The following ENPP4 variants were observed in gnomAD, a reference collection of about 807,000 sequenced individuals.
The protein encoded by ENPP4 is bis(5'-adenosyl)-triphosphatase ENPP4.
ENPP4 carries 18 observed loss-of-function variants against 33.4 expected under a neutral mutation model. The observed-to-expected ratio is 0.54, with a 90% CI of 0.37 to 0.80. The LOEUF is 0.80. Ranked by LOEUF, ENPP4 falls within the 30% of genes least tolerant of loss-of-function variation. ENPP4 has a pLI of 0.00. For synonymous variants in ENPP4, 172 were observed against 189.9 expected (o/e 0.91, Z 0.78); for missense variants, 480 against 541.7 (o/e 0.89, Z 1.13).
chr6:46,134,928 A>G (rs980967661), intron 1 of ENPP4, among the ~76,000 whole-genome samples: 1 of 151,780 alleles, frequency 6.6e-6, no homozygotes, highest in Admixed American at 6.6e-5. Context: ...TAGACATTTT[A>G]TCTAAATGGA....
At chr6:46,135,546 T>C (rs1474089964) in intron 1 of ENPP4, among the ~76,000 whole-genome samples, 2 of 152,098 alleles carry the variant, frequency 1.3e-5, no homozygotes, top group African/African-American at 4.8e-5. Context: ...AGCAATTCTT[T>C]ATATAGTCTA....
chr6:46,135,927 C>T (rs896682066), intron 1 of ENPP4, among the ~76,000 whole-genome samples: 2 of 151,974 alleles, frequency 1.3e-5, no homozygotes, highest in African/African-American at 2.4e-5. Flanking sequence ...TGTCTTGGCA[C>T]CCCTCTGCTC....
At chr6:46,131,886 A>T (rs988578409) in intron 1 of ENPP4, among the ~76,000 whole-genome samples, 7 of 152,084 alleles carry the variant, frequency 4.6e-5, no homozygotes, top group African/African-American at 1.7e-4. Context: ...TGTGGTTTTG[A>T]TTTGCACTTC....
chr6:46,136,241 G>A (rs979729539), intron 1 of ENPP4, among the ~76,000 whole-genome samples: 8 of 152,004 alleles, frequency 5.3e-5, no homozygotes, highest in Non-Finnish European at 7.4e-5. Context: ...TTATGCTCCT[G>A]TTTTGATTAT....
At position 46,143,362 on chromosome 6, in the gene ENPP4, C is replaced by T; in HGVS notation, c.1084C>T (p.His362Tyr). 5 of 1,612,504 alleles carry T rather than the reference C, an allele frequency of 3.1e-6. No homozygotes were observed. Among genetic ancestry groups the T allele is most frequent in the Non-Finnish European group, 4.2e-6 (5 of 1,178,954 alleles). Reference protein sequence around the residue: ...HGPAFHKGYKHSTINIVDIYP... With the variant: ...HGPAFHKGYKYSTINIVDIYP... The stretch of plus-strand genomic sequence containing the variant: ...ACCTGCATTTCACAAAGGCTACAAG[C>T]ATAGCACAATTAACATTGTGGATAT... The change falls in exon 4 of 4, where the codon CAT becomes TAT. Residue 362 changes from histidine to tyrosine, a missense_variant. This residue lies in a region of ENPP4 where 249 missense variants were observed against 251.8 expected (regional missense o/e 0.99). Transcript: ENST00000321037.
Position 46,144,821 on chromosome 6 carries a change from T to C in ENPP4, c.*1181T>C, listed in dbSNP as rs1019208955. The C allele has an allele frequency of 2.5e-5, 10 of 392,558 alleles. No homozygotes were observed. The highest frequency in any genetic ancestry group is 2.7e-4 in the South Asian group (2 of 7,486). 24.3% of individuals were successfully genotyped at this position (392,558 alleles called of 1,614,324 possible). On this transcript the variant is annotated 3_prime_UTR_variant, in exon 4 of 4. Transcript: ENST00000321037. ...CTTTTGGTCTTTCACACCATTCATA[T>C]GTTAAGTGGCAGAATAGCCTTAGTG...
chr6:46,140,411 T>C lies in ENPP4; in HGVS notation c.826+2T>C. On this transcript the variant is annotated splice_donor_variant, in intron 2 of 3. Coordinates refer to ENST00000321037, the MANE Select transcript of ENPP4 (RefSeq NM_014936.5). LOFTEE classifies it high-confidence loss of function. Reference sequence around the variant, plus strand: ...TTGCTGCAATACTTCCCAAAATAAGTAAGTAAACATTCAACTGAGGGATAC... The same window carrying C: ...TTGCTGCAATACTTCCCAAAATAAGCAAGTAAACATTCAACTGAGGGATAC... The C allele has an allele frequency of 6.6e-7, 1 of 1,514,754 alleles. No homozygotes were observed. The highest frequency in any genetic ancestry group is 8.9e-7 in the Non-Finnish European group (1 of 1,120,622). 93.8% of individuals were successfully genotyped at this position (1,514,754 alleles called of 1,614,324 possible).
intron 1 of ENPP4, among the ~76,000 whole-genome samples, chr6:46,132,483 C>G (rs1170598528): frequency 6.6e-6 from 1 of 152,134 alleles, no homozygotes; most frequent in East Asian, 1.9e-4. Flanking sequence ...GGCGTTATTT[C>G]TGAGGGCTCT....
Position 46,144,972 on chromosome 6 carries a change from G to A in ENPP4, c.*1332G>A. 1 of 396,286 alleles carries A rather than the reference G, an allele frequency of 2.5e-6. No individual in the cohort carries two copies. Among genetic ancestry groups the A allele is most frequent in the East Asian group, 3.6e-5 (1 of 27,992 alleles). 24.5% of individuals were successfully genotyped at this position (396,286 alleles called of 1,614,324 possible). A position where few individuals can be genotyped will look rare whatever the true frequency, so the allele number is the denominator to read the frequency against. The stretch of plus-strand genomic sequence containing the variant: ...TGCCTTTGCTAGCTGGTACCTTCTA[G>A]TAATCAAAATTAATATGAAGAAACT... On this transcript the variant is annotated 3_prime_UTR_variant, in exon 4 of 4. Transcript: ENST00000321037.
chr6:46,143,752 G>GA lies in ENPP4; in HGVS notation c.*113dup. ...AATACTTTGAAAGACAAAGAACTTA[G>GA]ACTAAGCATGTTAAAATTATTACTT... On this transcript the variant is annotated 3_prime_UTR_variant, in exon 4 of 4. Coordinates refer to ENST00000321037, the MANE Select transcript of ENPP4 (RefSeq NM_014936.5). The GA allele has an allele frequency of 9.3e-7, 1 of 1,075,076 alleles. No individual in the cohort carries two copies. The highest frequency in any genetic ancestry group is 1.3e-6 in the Non-Finnish European group (1 of 747,426). 66.6% of individuals were successfully genotyped at this position (1,075,076 alleles called of 1,614,324 possible). A position where few individuals can be genotyped will look rare whatever the true frequency, so the allele number is the denominator to read the frequency against.
rs190558697 is a variant in ENPP4 at position 46,144,063 on chromosome 6, A to G, written c.*423A>G. On this transcript the variant is annotated 3_prime_UTR_variant, in exon 4 of 4. Coordinates refer to ENST00000321037, the MANE Select transcript of ENPP4 (RefSeq NM_014936.5). ...AGAAAACAACAGAAATCTTTATGCA[A>G]TTTGTGAATTTTGTATATTAGGGAG... 22 of 155,374 alleles carry G rather than the reference A, an allele frequency of 1.4e-4. No individual in the cohort carries two copies. The highest frequency in any genetic ancestry group is 1.4e-3 in the Admixed American group (22 of 16,038). The allele number at this position is 155,374 out of a possible 1,614,324, so 9.6% of individuals were successfully genotyped here. A position where few individuals can be genotyped will look rare whatever the true frequency, so the allele number is the denominator to read the frequency against.
intron 1 of ENPP4, among the ~76,000 whole-genome samples, chr6:46,138,132 T>C (rs967556414): frequency 3.3e-5 from 5 of 151,842 alleles, no homozygotes; most frequent in African/African-American, 4.8e-5. Flanking sequence ...CCCAGATCTT[T>C]GTAACTTTCA....
intron 2 of ENPP4, 142 bp from the exon 3 acceptor site, chr6:46,140,910 C>A: frequency 1.7e-6 from 1 of 575,440 alleles, no homozygotes; most frequent in Non-Finnish European, 3.0e-6. Flanking sequence ...CCAACACTCT[C>A]ACATTATTAT....
rs770044069 is a variant in ENPP4, at chr6:46,141,217, A to C, written c.992A>C (p.Gln331Pro). 2.5e-6 allele frequency: 4 copies of C among 1,606,022 alleles called. No homozygotes were observed. The South Asian group carries it at 3.3e-5, about 13-fold the overall frequency. ...ACAATTGTGCTAAATGAATCATCAC[A>C]AAAATGTAAGTATTTAGTTGAGATA... The part of the protein sequence containing the change: ...GWTIVLNESS[Q>P]KLGDHGYDNS... Residue 331 changes from glutamine (Q) to proline (P), a missense_variant, in exon 3 of 4, where the codon CAA (glutamine) becomes CCA (proline). Coordinates refer to ENST00000321037, the MANE Select transcript of ENPP4 (RefSeq NM_014936.5).
At chr6:46,140,530 G>C in intron 2 of ENPP4, 121 bp downstream of exon 2, 1 of 606,202 alleles carries the variant, frequency 1.6e-6, no homozygotes, top group Non-Finnish European at 2.8e-6. Context: ...TACTCAGAGT[G>C]GGATTATATG....
At chr6:46,141,732 T>G (rs1306625699) in intron 3 of ENPP4, among the ~76,000 whole-genome samples, 1 of 151,574 alleles carries the variant, frequency 6.6e-6, no homozygotes, top group East Asian at 1.9e-4. Flanking sequence ...AAAAAATATA[T>G]AGGGGAGAAA....
At position 46,143,285 on chromosome 6, in the gene ENPP4, A is replaced by G. The variant is rs1764094692; in HGVS notation, c.1007A>G (p.His336Arg). ...LNESSQKLGDHGYDNSLPSMH... is the reference protein window; with the variant it reads ...LNESSQKLGDRGYDNSLPSMH... The stretch of plus-strand genomic sequence containing the variant: ...TTTTGTTCTTTTTCAGTAGGTGACC[A>G]TGGTTATGATAATTCTTTGCCTAGT... Residue 336 changes from histidine to arginine, a missense_variant, in exon 4 of 4, where the codon CAT becomes CGT. By Grantham distance (29) the His-to-Arg change is conservative. Coordinates refer to ENST00000321037, the MANE Select transcript of ENPP4 (RefSeq NM_014936.5). The G allele has an allele frequency of 6.3e-7, 1 of 1,575,092 alleles. No individual in the cohort carries two copies. Among genetic ancestry groups the G allele is most frequent in the Non-Finnish European group, 8.6e-7 (1 of 1,156,520 alleles).
intron 1 of ENPP4, among the ~76,000 whole-genome samples, chr6:46,138,814 C>T (rs1581955227): frequency 6.6e-6 from 1 of 151,886 alleles, no homozygotes; most frequent in Admixed American, 6.6e-5. Context: ...TCAGAGATAG[C>T]TTTAAGCCTA....
rs777374722 is a variant in ENPP4, at chr6:46,141,055, G to T, written c.830G>T (p.Arg277Ile). 2 of 1,584,910 alleles carry T rather than the reference G, an allele frequency of 1.3e-6. No homozygotes were observed. The highest frequency in any genetic ancestry group is 1.7e-6 in the Non-Finnish European group (2 of 1,165,224). ...GCTGTTTCTTTTTTTTTCTCAGATAGAACAGAGGTTTATAACAAACTGAAA... is the reference window on the plus strand; with the variant it reads ...GCTGTTTCTTTTTTTTTCTCAGATATAACAGAGGTTTATAACAAACTGAAA... ...PVAAILPKIN[R>I]TEVYNKLKNC... is the part of the protein sequence containing the mutation. Residue 277 changes from arginine (R) to isoleucine (I), a missense_variant, in exon 3 of 4, where the codon AGA (arginine) becomes ATA (isoleucine). By Grantham distance (97) the Arg-to-Ile change is moderately conservative. Coordinates refer to ENST00000321037, the MANE Select transcript of ENPP4 (RefSeq NM_014936.5).
Sources: allele counts gnomAD v4.1 joint callset (sites outside exome capture counted in the v4.1 genomes callset), GRCh38; gene constraint gnomAD v4.1.1; regional missense constraint gnomAD v4.1.1; transcripts MANE v1.5; gene names NCBI Gene and HGNC (gene_info 2026-07-23, HGNC 2026-07-21).